The following STARD13 variants were observed in gnomAD, a reference collection of about 807,000 sequenced individuals.
STARD13 encodes the protein StAR related lipid transfer domain containing 13.
Under a neutral mutation model 106.4 loss-of-function variants are expected in STARD13, and 62 were observed. That is an observed-to-expected ratio of 0.58 (90% confidence interval 0.48 to 0.72). STARD13 has a LOEUF of 0.72. Among genes scored for constraint, STARD13 ranks in the 30% least tolerant of loss-of-function variants. The pLI is 0.00. For missense variants in STARD13, 1,387 were observed against 1,424.0 expected (o/e 0.97, Z 0.42); for synonymous variants, 565 against 553.0 (o/e 1.02, Z -0.31).
At chr13:33,634,401 G>A in the STARD13 span, among the ~76,000 whole-genome samples, 2 of 152,146 alleles carry the variant, frequency 1.3e-5, no homozygotes. Flanking sequence ...TTGTCATCAG[G>A]GGGTGTTTCC....
At chr13:33,566,237 A>G in the STARD13 span, among the ~76,000 whole-genome samples, 2 of 148,420 alleles carry the variant, frequency 1.3e-5, no homozygotes, top group African/African-American at 4.9e-5. Flanking sequence ...CTGTTTTATT[A>G]TTAGTTACTG....
At chr13:33,625,124 T>G in the STARD13 span, among the ~76,000 whole-genome samples, 2,039 of 152,228 alleles carry the variant, frequency 0.013, 40 homozygotes, top group African/African-American at 0.047. Context: ...AGAGCAAGCC[T>G]AGGCACAAGA....
the STARD13 span, among the ~76,000 whole-genome samples, chr13:33,384,967 A>C: frequency 1.3e-5 from 2 of 151,800 alleles, no homozygotes; most frequent in African/African-American, 4.8e-5. Flanking sequence ...TTCCTGAATC[A>C]TGTCTGGGTT....
At chr13:33,261,290 C>T (rs1475076450) in intron 1 of STARD13, among the ~76,000 whole-genome samples, 1 of 152,142 alleles carries the variant, frequency 6.6e-6, no homozygotes, top group Non-Finnish European at 1.5e-5. Flanking sequence ...CTTAGCATCC[C>T]ACAATGCATA....
chr13:33,357,178 C>T, the STARD13 span, among the ~76,000 whole-genome samples: 1 of 152,210 alleles, frequency 6.6e-6, no homozygotes, highest in Non-Finnish European at 1.5e-5. Context: ...CTCCTGGTGG[C>T]CCTAGTTGTG....
chr13:33,455,780 C>A, the STARD13 span, among the ~76,000 whole-genome samples: 2 of 151,766 alleles, frequency 1.3e-5, no homozygotes, highest in African/African-American at 4.8e-5. Context: ...AAAACAACAA[C>A]AACAACAACA....
chr13:33,471,160 AG>A, the STARD13 span, among the ~76,000 whole-genome samples: 1 of 152,162 alleles, frequency 6.6e-6, no homozygotes, highest in African/African-American at 2.4e-5. Flanking sequence ...AGAGCTGTGC[AG>A]GTTTTAAGGA....
At chr13:33,143,908 C>T (rs142170833) in intron 3 of STARD13, among the ~76,000 whole-genome samples, 19 of 152,292 alleles carry the variant, frequency 1.2e-4, no homozygotes, top group African/African-American at 4.3e-4. Flanking sequence ...TTCTTTTTAG[C>T]AAAGACCTAT....
At chr13:33,512,760 C>T in the STARD13 span, among the ~76,000 whole-genome samples, 6 of 152,068 alleles carry the variant, frequency 3.9e-5, no homozygotes, top group East Asian at 1.9e-4. Flanking sequence ...TGAGCCACTG[C>T]GCTCGGCCGT....
the STARD13 span, among the ~76,000 whole-genome samples, chr13:33,372,451 A>T: frequency 2.0e-5 from 3 of 151,912 alleles, no homozygotes; most frequent in African/African-American, 7.3e-5. Context: ...TTGTTTCATA[A>T]TTCAGAATGA....
intron 1 of STARD13, among the ~76,000 whole-genome samples, chr13:33,202,872 A>C (rs1566071060): frequency 6.6e-6 from 1 of 152,154 alleles, no homozygotes; most frequent in Non-Finnish European, 1.5e-5. Context: ...CCTCTTTCTG[A>C]GAGGGACCTC....
chr13:33,195,742 A>G (rs1311258175), intron 1 of STARD13, among the ~76,000 whole-genome samples: 2 of 152,200 alleles, frequency 1.3e-5, no homozygotes, highest in Non-Finnish European at 2.9e-5. Flanking sequence ...AGGCGGTAAG[A>G]AGGAAGGAAG....
At chr13:33,427,990 A>C in the STARD13 span, among the ~76,000 whole-genome samples, 7 of 152,080 alleles carry the variant, frequency 4.6e-5, no homozygotes, top group East Asian at 1.9e-4. Flanking sequence ...ACATAGACCA[A>C]TGGAACAGAA....
the STARD13 span, among the ~76,000 whole-genome samples, chr13:33,496,503 T>A: frequency 1.3e-5 from 2 of 151,930 alleles, no homozygotes; most frequent in East Asian, 3.8e-4. Context: ...TCTCCCTAAC[T>A]TATCATCCCA....
Position 33,130,402 on chromosome 13 carries a change from C to T in STARD13, c.388-113G>A. On this transcript the variant is annotated intron_variant, in intron 4 of 13. Coordinates refer to ENST00000336934, the MANE Select transcript of STARD13 (RefSeq NM_178006.4). The surrounding 1 kb of genome is among the most constrained non-coding windows in gnomAD (Gnocchi z 4.1). ...CTCCACCTCCCTCCCCTCTGTCCTCCCATGCACAGGTGTGAGCTTCTTGGG... is the reference window on the plus strand; with the variant it reads ...CTCCACCTCCCTCCCCTCTGTCCTCTCATGCACAGGTGTGAGCTTCTTGGG... 2 of 1,028,790 alleles carry T rather than the reference C, an allele frequency of 1.9e-6. No homozygotes were observed. Among genetic ancestry groups the T allele is most frequent in the Non-Finnish European group, 1.4e-6 (1 of 704,918 alleles). 63.7% of individuals were successfully genotyped at this position (1,028,790 alleles called of 1,614,324 possible).
At chr13:33,408,525 A>G in the STARD13 span, among the ~76,000 whole-genome samples, 2 of 152,122 alleles carry the variant, frequency 1.3e-5, no homozygotes, top group East Asian at 3.9e-4. Flanking sequence ...TTGTTTGTAT[A>G]CACCACATTT....
chr13:33,662,702 C>A, the STARD13 span, among the ~76,000 whole-genome samples: 6 of 152,196 alleles, frequency 3.9e-5, no homozygotes, highest in African/African-American at 1.4e-4. Flanking sequence ...ATACCATGCA[C>A]TATACCCCCT....
At chr13:33,647,638 A>G in the STARD13 span, among the ~76,000 whole-genome samples, 1 of 152,236 alleles carries the variant, frequency 6.6e-6, no homozygotes, top group East Asian at 1.9e-4. Context: ...CCTTGAGCAA[A>G]GAGTTTGACA....
At chr13:33,556,442 C>A in the STARD13 span, among the ~76,000 whole-genome samples, 2 of 151,996 alleles carry the variant, frequency 1.3e-5, no homozygotes, top group Non-Finnish European at 2.9e-5. Context: ...CCTTTCCCAG[C>A]TAATTCTTTT....
Sources: allele counts gnomAD v4.1 joint callset (sites outside exome capture counted in the v4.1 genomes callset), GRCh38; gene constraint gnomAD v4.1.1; non-coding constraint Gnocchi (gnomAD v3.1); transcripts MANE v1.5; gene names NCBI Gene and HGNC (gene_info 2026-07-23, HGNC 2026-07-21).